The following RASGRF2 variants were observed in gnomAD, a reference collection of about 807,000 sequenced individuals.
The protein encoded by RASGRF2 is Ras protein specific guanine nucleotide releasing factor 2.
RASGRF2 carries 76 observed loss-of-function variants against 151.0 expected under a neutral mutation model. The observed-to-expected ratio is 0.50, with a 90% CI of 0.42 to 0.61. RASGRF2 has a LOEUF of 0.61. Among genes scored for constraint, RASGRF2 ranks in the 20% least tolerant of loss-of-function variants. The probability of loss-of-function intolerance (pLI) is 0.00; values close to 1 mark genes in which losing one functional copy is unlikely to be tolerated. For synonymous variants in RASGRF2, 504 were observed against 566.5 expected (o/e 0.89, Z 1.57); for missense variants, 1,148 against 1,564.6 (o/e 0.73, Z 4.49).
intron 1 of RASGRF2, among the ~76,000 whole-genome samples, chr5:80,989,446 G>C (rs904193680): frequency 6.6e-6 from 1 of 152,150 alleles, no homozygotes; most frequent in Non-Finnish European, 1.5e-5. Context: ...TGATGATTTT[G>C]CTCATTTCTG....
intron 17 of RASGRF2, among the ~76,000 whole-genome samples, chr5:81,167,299 T>G (rs1395847838): frequency 6.6e-6 from 1 of 152,170 alleles, no homozygotes; most frequent in Non-Finnish European, 1.5e-5. Flanking sequence ...GTATCAGTCC[T>G]GAGGACTGGA....
At chr5:81,127,547 A>G (rs967788341) in intron 17 of RASGRF2, among the ~76,000 whole-genome samples, 2 of 151,954 alleles carry the variant, frequency 1.3e-5, no homozygotes, top group African/African-American at 4.8e-5. Context: ...AAATAAAATA[A>G]TAATAAGAGA....
chr5:81,037,498 C>G (rs1447818805), intron 1 of RASGRF2, among the ~76,000 whole-genome samples: 2 of 152,094 alleles, frequency 1.3e-5, no homozygotes, highest in African/African-American at 4.8e-5. Flanking sequence ...TGTCAGTCCT[C>G]TTCTGAAATT....
chr5:81,027,224 A>G (rs1156952204), intron 1 of RASGRF2, among the ~76,000 whole-genome samples: 2 of 152,212 alleles, frequency 1.3e-5, no homozygotes, highest in Admixed American at 1.3e-4. Flanking sequence ...TAGAACCCTA[A>G]TAAACTATGG....
intron 8 of RASGRF2, 139 bp from the exon 9 acceptor site, chr5:81,086,696 T>C: frequency 1.5e-6 from 1 of 669,196 alleles, no homozygotes; most frequent in South Asian, 1.9e-5. Flanking sequence ...CCTGGAAAGA[T>C]CCAGCCTATT....
chr5:81,022,241 C>T (rs1450017242), intron 1 of RASGRF2, among the ~76,000 whole-genome samples: 1 of 152,156 alleles, frequency 6.6e-6, no homozygotes, highest in Non-Finnish European at 1.5e-5. Context: ...TCTCCCAGGT[C>T]TCTCTTGCTG....
intron 2 of RASGRF2, among the ~76,000 whole-genome samples, chr5:81,060,411 G>A (rs1311583664): frequency 6.6e-6 from 1 of 151,164 alleles, no homozygotes; most frequent in Non-Finnish European, 1.5e-5. Context: ...ATTTCTCCAT[G>A]AAAGCAGCCC....
intron 1 of RASGRF2, among the ~76,000 whole-genome samples, chr5:81,007,257 A>G (rs1047230003): frequency 6.6e-6 from 1 of 152,182 alleles, no homozygotes; most frequent in Non-Finnish European, 1.5e-5. Flanking sequence ...TAATGCTCAA[A>G]AAGTTTCTGA....
chr5:80,975,678 T>A (rs1748088346), intron 1 of RASGRF2, among the ~76,000 whole-genome samples: 1 of 152,180 alleles, frequency 6.6e-6, no homozygotes, highest in Non-Finnish European at 1.5e-5. Flanking sequence ...TTTATCCTTA[T>A]TTACTAATGA....
chr5:81,014,469 C>T lies in RASGRF2; in HGVS notation c.289-28408C>T, dbSNP rs370759033. Among the ~76,000 whole-genome samples the T allele has an allele frequency of 1.8e-4, 28 of 152,234 alleles. No homozygotes were observed. The East Asian group carries it at 4.8e-3, about 26-fold the overall frequency. On this transcript the variant is annotated intron_variant, in intron 1 of 26. Transcript: ENST00000265080. ...AACCATCAGATCTCGCGAAACTTAT[C>T]CATTGTCACAAGAACAGCACAGGAA...
intron 7 of RASGRF2, 119 bp downstream of exon 7, chr5:81,080,908 C>T: frequency 1.2e-6 from 1 of 859,086 alleles, no homozygotes; most frequent in South Asian, 1.8e-5. Flanking sequence ...CACAGATGTA[C>T]CATCTGTTGC....
chr5:81,070,624 A>T (rs772426529), intron 4 of RASGRF2, 43 bp downstream of exon 4: 8 of 1,512,802 alleles, frequency 5.3e-6, no homozygotes, highest in Admixed American at 1.7e-5. Flanking sequence ...CATGGTGACC[A>T]GTCGTCTGTT....
In RASGRF2 at chr5:81,226,354, C is replaced by A. The variant is rs1756000108; in HGVS notation, c.*584C>A. 6.6e-6 allele frequency: 1 copy of A among 152,240 alleles called. No individual in the cohort carries two copies. The highest frequency in any genetic ancestry group is 2.4e-5 in the African/African-American group (1 of 41,454). The allele number at this position is 152,240 out of a possible 1,614,324, so 9.4% of individuals were successfully genotyped here. On this transcript the variant is annotated 3_prime_UTR_variant, in exon 27 of 27. Coordinates refer to ENST00000265080, the MANE Select transcript of RASGRF2 (RefSeq NM_006909.3). The stretch of plus-strand genomic sequence containing the variant: ...TGAGGAATGGTACCTTCTGAAACTG[C>A]CTTTCCAGTCTTTAGGCAATGGGAT...
intron 1 of RASGRF2, among the ~76,000 whole-genome samples, chr5:81,041,131 G>A (rs773751415): frequency 1.3e-5 from 2 of 151,840 alleles, no homozygotes; most frequent in Non-Finnish European, 2.9e-5. Flanking sequence ...GTGAAACTTC[G>A]TCTCTACCAA....
chr5:81,102,756 A>G (rs1454832372), intron 12 of RASGRF2, among the ~76,000 whole-genome samples: 3 of 151,980 alleles, frequency 2.0e-5, no homozygotes, highest in Non-Finnish European at 4.4e-5. Context: ...ACTTATTCAC[A>G]TGGTGTAAAG....
chr5:81,008,586 T>C (rs1749353075), intron 1 of RASGRF2, among the ~76,000 whole-genome samples: 1 of 152,242 alleles, frequency 6.6e-6, no homozygotes, highest in Admixed American at 6.5e-5. Flanking sequence ...TTAAGATCAG[T>C]ATATGTGTGT....
At chr5:80,969,973 T>C (rs1217664360) in intron 1 of RASGRF2, among the ~76,000 whole-genome samples, 1 of 151,744 alleles carries the variant, frequency 6.6e-6, no homozygotes, top group Admixed American at 6.6e-5. Context: ...ATTACAGGCA[T>C]GCACCACCAC....
Position 81,092,927 on chromosome 5 carries a change from CA to C in RASGRF2, c.1519del (p.Arg507GlufsTer18). The C allele has an allele frequency of 6.2e-7, 1 of 1,612,912 alleles. No individual in the cohort carries two copies. The highest frequency in any genetic ancestry group is 8.5e-7 in the Non-Finnish European group (1 of 1,179,076). ...FLFTKHFLIC[T>X]RSSGGKLHLL... ...TTTACAAAACACTTTTTAATATGTA[CA>C]AGAAGTTCAGGAGGGAAGCTTCATC... On this transcript the variant is annotated frameshift_variant, in exon 10 of 27. Transcript: ENST00000265080. LOFTEE classifies it high-confidence loss of function.
At chr5:81,208,022 A>G (rs1397314970) in intron 21 of RASGRF2, among the ~76,000 whole-genome samples, 2 of 152,178 alleles carry the variant, frequency 1.3e-5, no homozygotes, top group South Asian at 2.1e-4. Flanking sequence ...AATAGTCTTG[A>G]TTTCTAAGGT....
Sources: gnomAD v4.1 joint callset for allele counts (sites outside exome capture counted in the v4.1 genomes callset) on GRCh38, gnomAD v4.1.1 for gene constraint, MANE v1.5 for transcripts, NCBI Gene and HGNC (gene_info 2026-07-23, HGNC 2026-07-21) for gene names.